The following TEAD1 variants were observed in gnomAD, a reference collection of about 807,000 sequenced individuals.
The protein encoded by TEAD1 is TEA domain transcription factor 1, also known as transcriptional enhancer factor TEF-1.
Under a neutral mutation model 54.9 loss-of-function variants are expected in TEAD1, and 9 were observed. The ratio of observed to expected loss-of-function variants is 0.16; its 90% confidence interval spans 0.10 to 0.29. The LOEUF (loss-of-function observed/expected upper bound fraction) is 0.29, where lower values mean the gene tolerates loss of function less well. TEAD1 is among the 10% of genes least tolerant of loss of function. The pLI, the probability that TEAD1 is intolerant of heterozygous loss-of-function variation, is 1.00. For missense variants in TEAD1, 387 were observed against 535.9 expected, an observed-to-expected ratio of 0.72 and a Z score of 2.74; for synonymous variants, 200 against 187.8, an observed-to-expected ratio of 1.07 and a Z score of -0.53.
chr11:12,785,928 G>C (rs1466160737), intron 3 of TEAD1, among the ~76,000 whole-genome samples: 1 of 152,120 alleles, frequency 6.6e-6, no homozygotes, highest in African/African-American at 2.4e-5. Context: ...CTTGCACGTA[G>C]CGTAAGATGG....
At chr11:12,701,414 C>T (rs920772843) in intron 2 of TEAD1, among the ~76,000 whole-genome samples, 10 of 152,016 alleles carry the variant, frequency 6.6e-5, no homozygotes, top group Non-Finnish European at 1.0e-4. Flanking sequence ...AAAACTTAGA[C>T]GTCAAGCCTA....
In TEAD1 at chr11:12,675,490, A is replaced by G. The variant is rs1943064340; in HGVS notation, c.-126A>G. ...AGGAGTCAGCAGAAACATTGTGTCCAAAAAAGACTGAGTCGCAGTTACCAC... is the reference window on the plus strand; with the variant it reads ...AGGAGTCAGCAGAAACATTGTGTCCGAAAAAGACTGAGTCGCAGTTACCAC... On this transcript the variant is annotated 5_prime_UTR_variant, in exon 2 of 13. Coordinates refer to ENST00000527636, the MANE Select transcript of TEAD1 (RefSeq NM_021961.6). 2 of 152,376 alleles carry G rather than the reference A, an allele frequency of 1.3e-5. No individual in the cohort carries two copies. The highest frequency in any genetic ancestry group is 4.8e-5 in the African/African-American group (2 of 41,474). 9.4% of individuals were successfully genotyped at this position (152,376 alleles called of 1,614,324 possible). A position where few individuals can be genotyped will look rare whatever the true frequency, so the allele number is the denominator to read the frequency against.
At chr11:12,707,334 CAAA>C (rs1564913314) in intron 2 of TEAD1, among the ~76,000 whole-genome samples, 1 of 151,936 alleles carries the variant, frequency 6.6e-6, no homozygotes, top group Non-Finnish European at 1.5e-5. Context: ...CTCTATGTGT[CAAA>C]AACAAGATCT....
intron 2 of TEAD1, among the ~76,000 whole-genome samples, chr11:12,752,211 C>CA (rs968533331): frequency 1.5e-4 from 16 of 108,540 alleles, no homozygotes; most frequent in African/African-American, 5.8e-4. Context: ...TGAAACAGGG[C>CA]AGTTTTTTTT....
At position 12,881,893 on chromosome 11, in the gene TEAD1, C is replaced by T; in HGVS notation, c.513-3C>T. 1 of 1,614,168 alleles carries T rather than the reference C, an allele frequency of 6.2e-7. No individual in the cohort carries two copies. Among genetic ancestry groups the T allele is most frequent in the East Asian group, 2.2e-5 (1 of 44,872 alleles). ...ACTCTGTCTGCCATCTCTCTGTTCC[C>T]AGCGTCAAGCCTTTTGTGCAGCAGG... On this transcript the variant is annotated splice_region_variant and splice_polypyrimidine_tract_variant and intron_variant, in intron 7 of 12. Transcript: ENST00000527636.
chr11:12,790,788 G>C (rs1042358767), intron 3 of TEAD1, among the ~76,000 whole-genome samples: 9 of 152,184 alleles, frequency 5.9e-5, no homozygotes, highest in Admixed American at 2.0e-4. Context: ...AGCCATTAGG[G>C]AAATGCAAAT....
rs535252268 is a variant in TEAD1, at chr11:12,942,032, G to C, written c.*4810G>C. On this transcript the variant is annotated 3_prime_UTR_variant, in exon 13 of 13. Coordinates refer to ENST00000527636, the MANE Select transcript of TEAD1 (RefSeq NM_021961.6). Reference sequence around the variant, plus strand: ...TTTTTCTCCAGTTCTATAGGAAACTGACTGCTTGGTGTAAAATCCGAAACT... The same window carrying C: ...TTTTTCTCCAGTTCTATAGGAAACTCACTGCTTGGTGTAAAATCCGAAACT... 3.9e-5 allele frequency: 6 copies of C among 152,686 alleles called. No individual in the cohort carries two copies. Among genetic ancestry groups the C allele is most frequent in the African/African-American group, 1.2e-4 (5 of 41,568 alleles). The allele number at this position is 152,686 out of a possible 1,614,324, so 9.5% of individuals were successfully genotyped here.
Position 12,938,412 on chromosome 11 carries a change from A to G in TEAD1, c.*1190A>G, listed in dbSNP as rs773465270. ...ATATTAACCTGCTATAACTAGGGCT[A>G]TATGTGTAGGTATGTGTATACATAT... is the stretch of plus-strand genomic sequence containing the variant. On this transcript the variant is annotated 3_prime_UTR_variant, in exon 13 of 13. Coordinates refer to ENST00000527636, the MANE Select transcript of TEAD1 (RefSeq NM_021961.6). 6.6e-6 allele frequency: 1 copy of G among 152,564 alleles called. No homozygotes were observed. The highest frequency in any genetic ancestry group is 1.5e-5 in the Non-Finnish European group (1 of 68,040). 9.5% of individuals were successfully genotyped at this position (152,564 alleles called of 1,614,324 possible).
intron 2 of TEAD1, among the ~76,000 whole-genome samples, chr11:12,696,969 G>A (rs150025841): frequency 8.8e-4 from 134 of 152,240 alleles, no homozygotes; most frequent in Non-Finnish European, 1.3e-3. Flanking sequence ...ACATTTCAAG[G>A]CTTGACTTAG....
At chr11:12,784,231 CA>C (rs1258578078) in intron 3 of TEAD1, among the ~76,000 whole-genome samples, 5 of 152,158 alleles carry the variant, frequency 3.3e-5, no homozygotes, top group African/African-American at 1.2e-4. Context: ...GCATGGATGG[CA>C]GTGCCATTTA....
At chr11:12,854,496 T>C (rs1484678046) in intron 3 of TEAD1, among the ~76,000 whole-genome samples, 1 of 152,344 alleles carries the variant, frequency 6.6e-6, no homozygotes, top group East Asian at 1.9e-4. Context: ...CGTAGGTTCC[T>C]GTGAGAGCAC....
intron 10 of TEAD1, among the ~76,000 whole-genome samples, chr11:12,903,335 T>C (rs1012240160): frequency 1.3e-5 from 2 of 152,226 alleles, no homozygotes; most frequent in East Asian, 3.8e-4. Context: ...AGCCTCTACG[T>C]ATCTCTATAC....
intron 3 of TEAD1, among the ~76,000 whole-genome samples, chr11:12,782,718 A>T (rs1945584206): frequency 1.3e-5 from 2 of 152,244 alleles, no homozygotes; most frequent in South Asian, 4.1e-4. Context: ...CTACCAATGT[A>T]ATAGTAACTC....
At chr11:12,866,092 G>A (rs117364816) in intron 5 of TEAD1, among the ~76,000 whole-genome samples, 3,683 of 152,252 alleles carry the variant, frequency 0.024, 73 homozygotes, top group Non-Finnish European at 0.034. Context: ...TGGCTCGCTC[G>A]CACGTGTGGC....
intron 2 of TEAD1, among the ~76,000 whole-genome samples, chr11:12,679,820 T>C (rs1943178129): frequency 6.6e-6 from 1 of 152,164 alleles, no homozygotes; most frequent in Non-Finnish European, 1.5e-5. Context: ...TGCTTAGGTG[T>C]GAGTAAATCT....
chr11:12,783,770 C>G (rs1357966765), intron 3 of TEAD1, among the ~76,000 whole-genome samples: 1 of 152,062 alleles, frequency 6.6e-6, no homozygotes, highest in African/African-American at 2.4e-5. Flanking sequence ...ACAGTGTTTT[C>G]AGGAGTAGTA....
chr11:12,761,223 A>G (rs1438107064), intron 2 of TEAD1, among the ~76,000 whole-genome samples: 1 of 152,206 alleles, frequency 6.6e-6, no homozygotes, highest in East Asian at 1.9e-4. Context: ...AATAATAAGA[A>G]GAGGTTGTCT....
intron 3 of TEAD1, among the ~76,000 whole-genome samples, chr11:12,820,994 C>G (rs16911637): frequency 0.11 from 16,289 of 152,154 alleles, 1,022 homozygotes; most frequent in South Asian, 0.18. Context: ...TTTGGGGGCT[C>G]TATGCCTGTC....
At chr11:12,704,847 C>G (rs950435947) in intron 2 of TEAD1, among the ~76,000 whole-genome samples, 1 of 152,164 alleles carries the variant, frequency 6.6e-6, no homozygotes, top group African/African-American at 2.4e-5. Flanking sequence ...TCTGGTATTG[C>G]TTATTCATTT....
Sources: gnomAD v4.1 joint callset for allele counts (sites outside exome capture counted in the v4.1 genomes callset) on GRCh38, gnomAD v4.1.1 for gene constraint, MANE v1.5 for transcripts, NCBI Gene and HGNC (gene_info 2026-07-23, HGNC 2026-07-21) for gene names.